MYO7B: variants seen among roughly 807,000 people sequenced by gnomAD.
MYO7B encodes unconventional myosin-VIIb.
In MYO7B, 212 loss-of-function variants were observed where a neutral mutation model predicts 259.7. That is an observed-to-expected ratio of 0.82 (90% CI 0.73 to 0.91). MYO7B has a LOEUF of 0.91. Ranked by LOEUF, MYO7B falls within the 40% of genes least tolerant of loss-of-function variation. The pLI, the probability that MYO7B is intolerant of heterozygous loss-of-function variation, is 0.00. For synonymous variants in MYO7B, 1,197 were observed against 1,166.4 expected (o/e 1.03, Z -0.54); for missense variants, 2,732 against 2,813.5 (o/e 0.97, Z 0.66).
rs549403034 is a variant in MYO7B at position 127,630,832 on chromosome 2, T to C, written c.4861T>C (p.Phe1621Leu). 2.3e-5 allele frequency: 37 copies of C among 1,612,782 alleles called. No individual in the cohort carries two copies. The East Asian group carries it at 8.2e-4, about 36-fold the overall frequency. ...KRKLAAQEGQ[F>L]TEPRPEEPPK... ...GAAGCTGGCGGCTCAGGAGGGGCAG[T>C]TCACAGAGCCACGTCCTGAGGAGCC... The change falls in exon 36 of 48, where the codon TTC (phenylalanine) becomes CTC (leucine). Residue 1621 changes from phenylalanine (F) to leucine (L), a missense_variant. Coordinates refer to ENST00000409816, the MANE Select transcript of MYO7B (RefSeq NM_001393586.1).
rs368194177 is a variant in MYO7B at position 127,633,202 on chromosome 2, G to A, written c.5406-56G>A. Reference sequence around the variant, plus strand: ...GTTTAGGGCCCACATCGGGGCTGGGGCATGGGTGAGGATGAGGGTGGGGGT... The same window carrying A: ...GTTTAGGGCCCACATCGGGGCTGGGACATGGGTGAGGATGAGGGTGGGGGT... On this transcript the variant is annotated intron_variant, in intron 39 of 47. Transcript: ENST00000409816. 365 of 1,369,664 alleles carry A rather than the reference G, an allele frequency of 2.7e-4. 1 individual carries two copies. In the African/African-American group the frequency reaches 4.2e-3, roughly 16 times the overall value. 84.8% of individuals were successfully genotyped at this position (1,369,664 alleles called of 1,614,324 possible). A position where few individuals can be genotyped will look rare whatever the true frequency, so the allele number is the denominator to read the frequency against.
intron 7 of MYO7B, 70 bp downstream of exon 7, chr2:127,574,132 C>A: frequency 6.3e-7 from 1 of 1,580,638 alleles, no homozygotes; most frequent in South Asian, 1.1e-5. Context: ...GCCCCTTTCC[C>A]ACTCTCACCT....
chr2:127,541,765 G>A (rs1000206427), intron 1 of MYO7B, among the ~76,000 whole-genome samples: 3 of 152,214 alleles, frequency 2.0e-5, no homozygotes, highest in African/African-American at 7.2e-5. Context: ...AGGGAGCAGA[G>A]CCCTTCTGGG....
rs1053100122 is a variant in MYO7B, at chr2:127,623,230, T to C, written c.3674T>C (p.Ile1225Thr). The C allele has an allele frequency of 6.2e-7, 1 of 1,613,576 alleles. No individual in the cohort carries two copies. The highest frequency in any genetic ancestry group is 8.5e-7 in the Non-Finnish European group (1 of 1,179,766). The change falls in exon 29 of 48, where the codon ATC becomes ACC. Residue 1225 changes from isoleucine (I) to threonine (T), a missense_variant. Physicochemically the swap from Ile to Thr is moderately conservative, Grantham distance 89 (BLOSUM62 -1). This residue lies in a region of MYO7B where 1,906 missense variants were observed against 2,026.4 expected (regional missense o/e 0.94). Coordinates refer to ENST00000409816, the MANE Select transcript of MYO7B (RefSeq NM_001393586.1). ...GTCAAGTCCAAGAAGCACATCCCCA[T>C]CCAAGTCATCTTGGCCACTGGAGAG... ...QAVKSKKHIP[I>T]QVILATGESL...
At chr2:127,619,722 TGCTG>T (rs1680753875) in intron 26 of MYO7B, among the ~76,000 whole-genome samples, 2 of 152,168 alleles carry the variant, frequency 1.3e-5, no homozygotes, top group South Asian at 2.1e-4. Context: ...AGGGGAAAGA[TGCTG>T]GCCTCTGGAG....
intron 43 of MYO7B, 120 bp from the exon 44 acceptor site, chr2:127,635,602 T>C (rs1681755273): frequency 9.1e-7 from 1 of 1,101,644 alleles, no homozygotes; most frequent in Non-Finnish European, 1.3e-6. Flanking sequence ...TCTACCCTGC[T>C]CAGTCCGTCC....
At position 127,571,442 on chromosome 2, in the gene MYO7B, G is replaced by GTTTTTTTTTTTTTTTTTTTTTTTTTTT; in HGVS notation, c.592+1549_592+1550insTTTTTTTTTTTTTTTTTTTTTTTTTTT. Among the ~76,000 whole-genome samples the GTTTTTTTTTTTTTTTTTTTTTTTTTTT allele has an allele frequency of 1.3e-3, 54 of 41,900 alleles. 5 individuals carry two copies. The highest frequency in any genetic ancestry group is 7.5e-3 in the East Asian group (5 of 664). 27.5% of individuals were successfully genotyped at this position (41,900 alleles called of 152,430 possible). A position where few individuals can be genotyped will look rare whatever the true frequency, so the allele number is the denominator to read the frequency against. ...AATTGGTCTATTTCCTTACCAGTGA[G>GTTTTTTTTTTTTTTTTTTTTTTTTTTT]TTTTTTTTTTTTTTTTTGCTTGTTT... On this transcript the variant is annotated intron_variant, in intron 6 of 47. Coordinates refer to ENST00000409816, the MANE Select transcript of MYO7B (RefSeq NM_001393586.1).
intron 26 of MYO7B, 101 bp downstream of exon 26, chr2:127,612,704 C>T (rs1285203132): frequency 4.3e-5 from 64 of 1,487,288 alleles, no homozygotes; most frequent in Non-Finnish European, 5.3e-5. Context: ...TATGACACCT[C>T]CTTGTCCTGC....
rs1455707223 is a variant in MYO7B, at chr2:127,607,346, G to A, written c.2565G>A (p.Lys855=). ...GYLVRQQVQA[K]RRAVVVIQAH... ...TGGTGCGCCAGCAAGTCCAGGCCAA[G>A]AGGAGGGCAGTGGTGGTCATTCAGG... The change falls in exon 21 of 48, where the codon AAG becomes AAA. Residue 855 remains lysine (K), a synonymous_variant. Transcript: ENST00000409816. The surrounding 1 kb of genome is among the most constrained non-coding windows in gnomAD (Gnocchi z 4.4). 1 of 1,551,522 alleles carries A rather than the reference G, an allele frequency of 6.4e-7. No homozygotes were observed. Among genetic ancestry groups the A allele is most frequent in the Non-Finnish European group, 8.7e-7 (1 of 1,146,876 alleles).
At chr2:127,588,958 T>C (rs1469017053) in intron 15 of MYO7B, among the ~76,000 whole-genome samples, 3 of 125,866 alleles carry the variant, frequency 2.4e-5, no homozygotes, top group African/African-American at 6.1e-5. Flanking sequence ...GGTGGATAGA[T>C]GGGTGAGTGG....
chr2:127,578,975 C>T (rs546385397), intron 9 of MYO7B, among the ~76,000 whole-genome samples: 6 of 151,826 alleles, frequency 4.0e-5, no homozygotes, highest in Admixed American at 1.3e-4. Flanking sequence ...GATTTATAAA[C>T]AAACCACATA....
At chr2:127,560,658 G>A (rs1457977762) in intron 2 of MYO7B, among the ~76,000 whole-genome samples, 1 of 152,172 alleles carries the variant, frequency 6.6e-6, no homozygotes, top group East Asian at 1.9e-4. Context: ...AGCCCAGAGA[G>A]CAGAGGCCCC....
At chr2:127,631,786 AC>A (rs752400153) in intron 38 of MYO7B, 33 bp downstream of exon 38, 1 of 1,604,594 alleles carries the variant, frequency 6.2e-7, no homozygotes, top group Admixed American at 1.7e-5. Context: ...CCACGCGGGC[AC>A]CCTCAGTCCT....
Position 127,622,125 on chromosome 2 carries a change from C to T in MYO7B, c.3645+24C>T, listed in dbSNP as rs559848222. 381 of 1,542,822 alleles carry T rather than the reference C, an allele frequency of 2.5e-4. 3 individuals are homozygous for T. The Admixed American group carries it at 6.4e-3, about 26-fold the overall frequency. On this transcript the variant is annotated intron_variant, in intron 28 of 47. Coordinates refer to ENST00000409816, the MANE Select transcript of MYO7B (RefSeq NM_001393586.1). The stretch of plus-strand genomic sequence containing the variant: ...AGGTAGGGGCTGGCAGGGGTGAGAG[C>T]GGGCAGGGTGGGGTGGTGCAGACCC...
chr2:127,547,630 G>A (rs957154545), intron 1 of MYO7B, among the ~76,000 whole-genome samples: 1 of 152,106 alleles, frequency 6.6e-6, no homozygotes, highest in Non-Finnish European at 1.5e-5. Context: ...GTCAACTTTT[G>A]CATCTTCTAA....
chr2:127,593,711 C>T lies in MYO7B; in HGVS notation c.2244+67C>T, dbSNP rs1244859729. On this transcript the variant is annotated intron_variant, in intron 18 of 47. Coordinates refer to ENST00000409816, the MANE Select transcript of MYO7B (RefSeq NM_001393586.1). The stretch of plus-strand genomic sequence containing the variant: ...CATGTGGGCTTGTCAGCTCTTGCAC[C>T]AGGCCCGGGGTCCATGGTCCATGTG... The T allele has an allele frequency of 2.1e-6, 3 of 1,446,684 alleles. No individual in the cohort carries two copies. The East Asian group carries it at 6.8e-5, about 33-fold the overall frequency. The allele number at this position is 1,446,684 out of a possible 1,614,324, so 89.6% of individuals were successfully genotyped here. A position where few individuals can be genotyped will look rare whatever the true frequency, so the allele number is the denominator to read the frequency against.
intron 39 of MYO7B, 46 bp downstream of exon 39, chr2:127,632,447 G>T: frequency 6.7e-7 from 1 of 1,496,074 alleles, no homozygotes; most frequent in Non-Finnish European, 8.9e-7. Flanking sequence ...TGGGCCCGCA[G>T]ACCTGGGATG....
At chr2:127,605,983 T>A in intron 20 of MYO7B, 55 bp downstream of exon 20, 1 of 1,423,794 alleles carries the variant, frequency 7.0e-7, no homozygotes, top group Non-Finnish European at 9.8e-7. Context: ...AACTGTCCAG[T>A]AAAAGACAGA....
intron 2 of MYO7B, among the ~76,000 whole-genome samples, chr2:127,563,465 G>A (rs181645518): frequency 1.3e-4 from 20 of 152,258 alleles, no homozygotes; most frequent in African/African-American, 4.3e-4. Context: ...TTTTCACAGG[G>A]CAAGACTTCT....
Sources: gnomAD v4.1 joint callset for allele counts (sites outside exome capture counted in the v4.1 genomes callset) on GRCh38, gnomAD v4.1.1 for gene constraint, gnomAD v4.1.1 regional missense constraint, Gnocchi (gnomAD v3.1) non-coding constraint, MANE v1.5 for transcripts, NCBI Gene and HGNC (gene_info 2026-07-23, HGNC 2026-07-21) for gene names.